ZNF333: variants seen among roughly 807,000 people sequenced by gnomAD.
The protein encoded by ZNF333 is zinc finger protein 333.
In ZNF333, 61 loss-of-function variants were observed where a neutral mutation model predicts 76.1. The observed-to-expected ratio is 0.80, with a 90% CI of 0.65 to 0.99. ZNF333 has a LOEUF of 0.99. Ranked by LOEUF, ZNF333 falls within the 50% of genes least tolerant of loss-of-function variation. ZNF333 has a pLI of 0.00. For missense variants in ZNF333, 717 were observed against 822.4 expected (o/e 0.87, Z 1.57); for synonymous variants, 284 against 305.0 (o/e 0.93, Z 0.72).
Position 14,720,002 on chromosome 19 carries a change from A to G in ZNF333, c.*677A>G, listed in dbSNP as rs2042553738. 2.3e-6 allele frequency: 2 copies of G among 856,408 alleles called. No individual in the cohort carries two copies. The highest frequency in any genetic ancestry group is 2.8e-6 in the Non-Finnish European group (2 of 712,318). 53.1% of individuals were successfully genotyped at this position (856,408 alleles called of 1,614,324 possible). On this transcript the variant is annotated 3_prime_UTR_variant, in exon 12 of 12. Coordinates refer to ENST00000292530, the MANE Select transcript of ZNF333 (RefSeq NM_032433.4). ...GGAGTTCGAGATCAGCCTGGCCAACATGGTGAAATCCCCTCTCTACTAAAA... is the reference window on the plus strand; with the variant it reads ...GGAGTTCGAGATCAGCCTGGCCAACGTGGTGAAATCCCCTCTCTACTAAAA...
chr19:14,720,169 G>C lies in ZNF333; in HGVS notation c.*844G>C, dbSNP rs376137850. 1.3e-4 allele frequency: 123 copies of C among 975,076 alleles called. No homozygotes were observed. The South Asian group carries it at 1.5e-3, about 12-fold the overall frequency. 60.4% of individuals were successfully genotyped at this position (975,076 alleles called of 1,614,324 possible). A position where few individuals can be genotyped will look rare whatever the true frequency, so the allele number is the denominator to read the frequency against. The stretch of plus-strand genomic sequence containing the variant: ...CCACTGCACTCCAGCCTGGGCAACA[G>C]AGTGAAACTCTGTCTCAAAAATAAT... On this transcript the variant is annotated 3_prime_UTR_variant, in exon 12 of 12. Coordinates refer to ENST00000292530, the MANE Select transcript of ZNF333 (RefSeq NM_032433.4).
intron 4 of ZNF333, 34 bp downstream of exon 4, chr19:14,695,695 C>T: frequency 1.3e-6 from 2 of 1,587,222 alleles, no homozygotes; most frequent in Admixed American, 1.7e-5. Flanking sequence ...TCCCCCGACC[C>T]CCCTGGTTGG....
intron 3 of ZNF333, 104 bp downstream of exon 3, chr19:14,695,237 T>TAGCGTCC (rs1297718263): frequency 6.9e-7 from 1 of 1,439,132 alleles, no homozygotes; most frequent in Non-Finnish European, 9.3e-7. Flanking sequence ...TTGTGGCACT[T>TAGCGTCC]AGCGTCCACA....
chr19:14,707,658 TCTC>T (rs1482851640), intron 7 of ZNF333, among the ~76,000 whole-genome samples: 1 of 150,412 alleles, frequency 6.6e-6, no homozygotes, highest in East Asian at 2.0e-4. Flanking sequence ...TTCATGCCAT[TCTC>T]CTGCCTCAGC....
rs763032560 is a variant in ZNF333, at chr19:14,718,536, C to G, written c.1209C>G (p.Phe403Leu). ...CFDCQECGQA[F>L]KYSSNLRRHM... The stretch of plus-strand genomic sequence containing the variant: ...ACTGTCAAGAATGTGGGCAAGCCTT[C>G]AAATATTCCTCGAATCTCCGGCGAC... The change falls in exon 12 of 12, where the codon TTC (phenylalanine) becomes TTG (leucine). Residue 403 changes from phenylalanine (F) to leucine (L), a missense_variant. Coordinates refer to ENST00000292530, the MANE Select transcript of ZNF333 (RefSeq NM_032433.4). 1.2e-6 allele frequency: 2 copies of G among 1,614,202 alleles called. No homozygotes were observed. Among genetic ancestry groups the G allele is most frequent in the South Asian group, 2.2e-5 (2 of 91,082 alleles).
intron 5 of ZNF333, chr19:14,701,962 T>C: frequency 2.1e-6 from 2 of 938,038 alleles, no homozygotes; most frequent in Non-Finnish European, 2.5e-6. Context: ...AGCTGTCAGG[T>C]TCTACTGCCT....
chr19:14,705,412 C>A lies in ZNF333; in HGVS notation c.423+242C>A, dbSNP rs181565780. The stretch of plus-strand genomic sequence containing the variant: ...TCTGGTTGTTGGACTGTAGGCCCTG[C>A]CTTTCCTGGTCCAGCCTTTTTTCTT... On this transcript the variant is annotated intron_variant, in intron 6 of 11. Coordinates refer to ENST00000292530, the MANE Select transcript of ZNF333 (RefSeq NM_032433.4). Among the ~76,000 whole-genome samples the A allele has an allele frequency of 2.0e-5, 3 of 152,266 alleles. No homozygotes were observed. The East Asian group carries it at 5.8e-4, about 29-fold the overall frequency.
At chr19:14,723,315 G>C (rs2042612709), downstream of ZNF333, among the ~76,000 whole-genome samples, 1 of 152,128 alleles carries the variant, frequency 6.6e-6, no homozygotes, top group African/African-American at 2.4e-5. Context: ...GTATTGTGTT[G>C]ATTACTGTAG....
Position 14,720,115 on chromosome 19 carries a change from G to A in ZNF333, c.*790G>A, listed in dbSNP as rs1239032767. ...GCAGGAGAATTCTTTGAACCCAGGA[G>A]GCAGAGGTTGCAGTGAGCCGAGATT... On this transcript the variant is annotated 3_prime_UTR_variant, in exon 12 of 12. Transcript: ENST00000292530. The A allele has an allele frequency of 1.2e-5, 10 of 855,072 alleles. No individual in the cohort carries two copies. Among genetic ancestry groups the A allele is most frequent in the African/African-American group, 1.8e-5 (1 of 54,488 alleles). The allele number at this position is 855,072 out of a possible 1,614,324, so 53.0% of individuals were successfully genotyped here. A position where few individuals can be genotyped will look rare whatever the true frequency, so the allele number is the denominator to read the frequency against.
Position 14,693,454 on chromosome 19 carries a change from G to T in ZNF333, c.-38G>T. The T allele has an allele frequency of 6.3e-7, 1 of 1,596,336 alleles. No homozygotes were observed. Among genetic ancestry groups the T allele is most frequent in the East Asian group, 2.2e-5 (1 of 44,676 alleles). ...CTCAGTGTCTCCTTTATTGCAGGGA[G>T]AACACCGACTGAGACCTCAAACCCT... On this transcript the variant is annotated 5_prime_UTR_variant, in exon 2 of 12. Transcript: ENST00000292530.
At chr19:14,693,623 C>A in intron 2 of ZNF333, 129 bp downstream of exon 2, 1 of 1,138,086 alleles carries the variant, frequency 8.8e-7, no homozygotes, top group Non-Finnish European at 1.2e-6. Flanking sequence ...GAGTGAGGAG[C>A]ATCCTCATCC....
chr19:14,711,747 T>G (rs11085908), intron 7 of ZNF333, among the ~76,000 whole-genome samples: 84,585 of 151,924 alleles, frequency 0.56, 23,933 homozygotes, highest in East Asian at 0.76. Flanking sequence ...ACATGGAGCA[T>G]TTTTGTGCCA....
rs553683916 is a variant in ZNF333, at chr19:14,719,289, C to T, written c.1962C>T (p.Ser654=). 2.0e-5 allele frequency: 33 copies of T among 1,613,882 alleles called. No individual in the cohort carries two copies. The South Asian group carries it at 3.4e-4, about 17-fold the overall frequency. ...ETIRNGSLPL[S]MSHPYCGPLA... ...TTAGGAATGGCAGCCTGCCTTTATCCATGTCTCATCCATACTGTGGGCCCC... is the reference window on the plus strand; with the variant it reads ...TTAGGAATGGCAGCCTGCCTTTATCTATGTCTCATCCATACTGTGGGCCCC... Residue 654 remains serine (S), a synonymous_variant, in exon 12 of 12, where the codon TCC becomes TCT. Transcript: ENST00000292530.
intron 5 of ZNF333, among the ~76,000 whole-genome samples, chr19:14,704,364 A>C (rs1212252839): frequency 6.6e-6 from 1 of 152,036 alleles, no homozygotes; most frequent in East Asian, 1.9e-4. Flanking sequence ...AGCTCACTGC[A>C]ACTTCTGCCT....
Position 14,695,557 on chromosome 19 carries a change from C to G in ZNF333, c.128-9C>G. 1 of 1,613,756 alleles carries G rather than the reference C, an allele frequency of 6.2e-7. No individual in the cohort carries two copies. Among genetic ancestry groups the G allele is most frequent in the South Asian group, 1.1e-5 (1 of 91,064 alleles). On this transcript the variant is annotated splice_polypyrimidine_tract_variant and intron_variant, in intron 3 of 11. Transcript: ENST00000292530. ...CTCTCTCAGTGCCTGTGTCTTTCTTCATGTGCAGGAACTCCACCATGCAAA... is the reference window on the plus strand; with the variant it reads ...CTCTCTCAGTGCCTGTGTCTTTCTTGATGTGCAGGAACTCCACCATGCAAA...
intron 5 of ZNF333, among the ~76,000 whole-genome samples, chr19:14,702,971 G>A (rs569848462): frequency 1.1e-4 from 17 of 152,104 alleles, no homozygotes; most frequent in Middle Eastern, 3.4e-3. Flanking sequence ...TTGGGAGGCC[G>A]AGGCGGGCGG....
At chr19:14,725,199 C>T (rs1337823574), downstream of ZNF333, among the ~76,000 whole-genome samples, 4 of 152,050 alleles carry the variant, frequency 2.6e-5, no homozygotes, top group South Asian at 2.1e-4. Flanking sequence ...AACCAGATCT[C>T]GCATGAACTA....
chr19:14,713,564 G>C (rs984951009), intron 7 of ZNF333, among the ~76,000 whole-genome samples: 1 of 152,180 alleles, frequency 6.6e-6, no homozygotes. Context: ...AGGAGGGCCT[G>C]CAACCTGTGG....
At chr19:14,701,918 T>A (rs182278830) in intron 5 of ZNF333, 1 of 985,120 alleles carries the variant, frequency 1.0e-6, no homozygotes, top group Admixed American at 6.1e-5. Context: ...AGCTAGGAGT[T>A]GAACCCAGAC....
Sources: gnomAD v4.1 joint callset for allele counts (sites outside exome capture counted in the v4.1 genomes callset) on GRCh38, gnomAD v4.1.1 for gene constraint, MANE v1.5 for transcripts, NCBI Gene and HGNC (gene_info 2026-07-23, HGNC 2026-07-21) for gene names.